Variants in DCC observed in about 807,000 individuals in gnomAD.
The protein encoded by DCC is netrin receptor DCC.
A neutral mutation model predicts 172.5 loss-of-function variants in DCC; 58 were observed. The ratio of observed to expected loss-of-function variants is 0.34; its 90% CI spans 0.27 to 0.42. DCC has a LOEUF of 0.42. DCC is among the 10% of genes least tolerant of loss of function. The probability of loss-of-function intolerance (pLI) is 1.00; values close to 1 mark genes in which losing one functional copy is unlikely to be tolerated. For synonymous variants in DCC, 709 were observed against 644.5 expected (o/e 1.10, Z -1.52); for missense variants, 1,740 against 1,791.0 (o/e 0.97, Z 0.51).
intron 15 of DCC, among the ~76,000 whole-genome samples, chr18:53,384,479 C>G (rs1907992117): frequency 1.3e-5 from 2 of 152,038 alleles, no homozygotes; most frequent in Non-Finnish European, 2.9e-5. Flanking sequence ...TCTTCCTTCT[C>G]TAACTTCAAT....
intron 5 of DCC, among the ~76,000 whole-genome samples, chr18:52,982,703 C>A (rs535731320): frequency 6.6e-6 from 1 of 152,228 alleles, no homozygotes; most frequent in Admixed American, 6.5e-5. Flanking sequence ...CACCAAATCA[C>A]CCTCTGTAGA....
chr18:52,704,342 G>T (rs962824832), intron 1 of DCC, among the ~76,000 whole-genome samples: 2 of 152,154 alleles, frequency 1.3e-5, no homozygotes, highest in African/African-American at 4.8e-5. Context: ...GATGGTGACA[G>T]CTGGTAATTC....
intron 1 of DCC, among the ~76,000 whole-genome samples, chr18:52,532,825 A>G (rs1463300077): frequency 6.6e-6 from 1 of 152,092 alleles, no homozygotes; most frequent in Non-Finnish European, 1.5e-5. Flanking sequence ...ATCCTTCTAA[A>G]GTAGACCATT....
At chr18:52,782,499 ACT>A (rs2037564928) in intron 2 of DCC, among the ~76,000 whole-genome samples, 1 of 151,876 alleles carries the variant, frequency 6.6e-6, no homozygotes, top group Non-Finnish European at 1.5e-5. Flanking sequence ...GACTCTGCAC[ACT>A]CTAGTGTCCC....
At chr18:52,682,261 T>G (rs941725457) in intron 1 of DCC, among the ~76,000 whole-genome samples, 1 of 152,082 alleles carries the variant, frequency 6.6e-6, no homozygotes, top group East Asian at 1.9e-4. Flanking sequence ...AACAGGAACC[T>G]TACATCCCAG....
intron 21 of DCC, among the ~76,000 whole-genome samples, chr18:53,430,572 A>G (rs1478733416): frequency 1.3e-5 from 2 of 152,152 alleles, no homozygotes; most frequent in African/African-American, 4.8e-5. Flanking sequence ...TGTGCTGCAA[A>G]TAAGGATTTA....
chr18:52,552,986 G>A (rs567276127), intron 1 of DCC, among the ~76,000 whole-genome samples: 2 of 152,108 alleles, frequency 1.3e-5, no homozygotes, highest in East Asian at 1.9e-4. Context: ...CAGGCTGCAG[G>A]TTACAGCATT....
intron 5 of DCC, among the ~76,000 whole-genome samples, chr18:53,013,533 C>A (rs1471375589): frequency 6.6e-6 from 1 of 151,466 alleles, no homozygotes; most frequent in African/African-American, 2.4e-5. Flanking sequence ...CACAACAGGG[C>A]ATTATCGGGG....
chr18:53,322,297 A>G, intron 14 of DCC, 140 bp downstream of exon 14: 1 of 684,314 alleles, frequency 1.5e-6, no homozygotes, highest in Non-Finnish European at 2.7e-6. Context: ...CACAACAGGG[A>G]AACATTAGTG....
rs34406723 is a variant in DCC at position 53,159,008 on chromosome 18, A to AAAAAAAAAAAAAAAAAAAG, written c.1418+1496_1418+1497insAAAAAAAAAAAAAAAAAAG. ...CATCTCAAAAAAAAAAAAAAAAAGA[A>AAAAAAAAAAAAAAAAAAAG]GAAGATGTAGGCATACCCATATTGC... On this transcript the variant is annotated intron_variant, in intron 8 of 28. Transcript: ENST00000442544. 4.2e-4 allele frequency among the ~76,000 whole-genome samples: 50 copies of AAAAAAAAAAAAAAAAAAAG among 119,142 alleles called. 4 individuals carry two copies. The highest frequency in any genetic ancestry group is 1.4e-3 in the African/African-American group (42 of 30,638). 78.2% of individuals were successfully genotyped at this position (119,142 alleles called of 152,430 possible). A position where few individuals can be genotyped will look rare whatever the true frequency, so the allele number is the denominator to read the frequency against.
intron 5 of DCC, among the ~76,000 whole-genome samples, chr18:52,982,230 G>T (rs181368140): frequency 1.3e-5 from 2 of 152,170 alleles, no homozygotes; most frequent in African/African-American, 2.4e-5. Context: ...TTAATTCAGG[G>T]TATTGCTTAT....
At chr18:53,322,504 G>A (rs556967178) in intron 14 of DCC, among the ~76,000 whole-genome samples, 2 of 151,994 alleles carry the variant, frequency 1.3e-5, no homozygotes, top group Non-Finnish European at 2.9e-5. Flanking sequence ...ATTTATAATA[G>A]TAATCATGAA....
chr18:53,151,824 T>A (rs1200946403), intron 7 of DCC, among the ~76,000 whole-genome samples: 1 of 152,068 alleles, frequency 6.6e-6, no homozygotes, highest in African/African-American at 2.4e-5. Context: ...ATGTAACATT[T>A]TAGAAAAAAT....
chr18:53,126,352 A>G (rs1443091100), intron 7 of DCC, among the ~76,000 whole-genome samples: 1 of 152,152 alleles, frequency 6.6e-6, no homozygotes, highest in East Asian at 1.9e-4. Context: ...TAGTGAGTAC[A>G]TTACCTAACT....
At chr18:53,463,711 C>T (rs778899730) in intron 24 of DCC, among the ~76,000 whole-genome samples, 5 of 152,120 alleles carry the variant, frequency 3.3e-5, no homozygotes, top group South Asian at 4.1e-4. Flanking sequence ...GAGCTAGTAT[C>T]ACAGCCAGGA....
chr18:53,260,854 G>A (rs933109516), intron 12 of DCC, among the ~76,000 whole-genome samples: 1 of 152,146 alleles, frequency 6.6e-6, no homozygotes, highest in Non-Finnish European at 1.5e-5. Context: ...GCTCCACCCT[G>A]TTCGAGCTTC....
rs1309728282 is a variant in DCC at position 53,535,641 on chromosome 18, T to G, written c.*4988T>G. The G allele has an allele frequency of 6.6e-6, 1 of 152,188 alleles. No homozygotes were observed. The highest frequency in any genetic ancestry group is 1.9e-4 in the East Asian group (1 of 5,200). The allele number at this position is 152,188 out of a possible 1,614,324, so 9.4% of individuals were successfully genotyped here. On this transcript the variant is annotated 3_prime_UTR_variant, in exon 29 of 29. Transcript: ENST00000442544. ...AGGTATTTTGAGCCTACAAAAAGTT[T>G]CTTTAAACTGTCAGATTCTAGCATT...
chr18:53,072,569 C>T (rs1163870151), intron 7 of DCC, among the ~76,000 whole-genome samples: 4 of 151,996 alleles, frequency 2.6e-5, no homozygotes, highest in Non-Finnish European at 2.9e-5. Context: ...TAGGGGCATA[C>T]GTAGTCTGGG....
At chr18:52,851,109 T>A (rs1410200043) in intron 2 of DCC, among the ~76,000 whole-genome samples, 1 of 152,126 alleles carries the variant, frequency 6.6e-6, no homozygotes, top group African/African-American at 2.4e-5. Flanking sequence ...TTACGATGTA[T>A]ACTTGTCTTT....
Sources: gnomAD v4.1 joint callset for allele counts (sites outside exome capture counted in the v4.1 genomes callset) on GRCh38, gnomAD v4.1.1 for gene constraint, MANE v1.5 for transcripts, NCBI Gene and HGNC (gene_info 2026-07-23, HGNC 2026-07-21) for gene names.